NPAS3: variants seen among roughly 807,000 people sequenced by gnomAD.
NPAS3 encodes the protein neuronal PAS domain protein 3, also known as neuronal PAS domain-containing protein 3.
NPAS3 carries 14 observed loss-of-function variants against 73.1 expected under a neutral mutation model. The observed-to-expected ratio is 0.19, with a 90% CI of 0.13 to 0.30. The LOEUF is 0.30. Among genes scored for constraint, NPAS3 ranks in the 10% least tolerant of loss-of-function variants. NPAS3 has a pLI of 1.00. For synonymous variants in NPAS3, 620 were observed against 541.5 expected (o/e 1.14, Z -2.01); for missense variants, 1,096 against 1,250.0 (o/e 0.88, Z 1.86).
rs75435778 is a variant in NPAS3, at chr14:33,171,075, C to T, written c.141-44107C>T. The stretch of plus-strand genomic sequence containing the variant: ...TAGTAAGACTTGAAAGTCAAAATGA[C>T]TCCTTGACCTGCAGAATGGATGCTG... On this transcript the variant is annotated intron_variant, in intron 2 of 11. Transcript: ENST00000356141. 3.0e-3 allele frequency among the ~76,000 whole-genome samples: 454 copies of T among 152,326 alleles called. 2 individuals carry two copies. The highest frequency in any genetic ancestry group is 0.014 in the Middle Eastern group (4 of 294).
At chr14:33,653,036 T>C (rs960172516) in intron 5 of NPAS3, among the ~76,000 whole-genome samples, 1 of 152,258 alleles carries the variant, frequency 6.6e-6, no homozygotes, top group Non-Finnish European at 1.5e-5. Flanking sequence ...GCAACATTTG[T>C]ACCAAATAAT....
intron 6 of NPAS3, among the ~76,000 whole-genome samples, chr14:33,692,279 T>C (rs543596474): frequency 2.8e-4 from 43 of 152,160 alleles, no homozygotes; most frequent in African/African-American, 6.0e-4. Context: ...AATGCCTTTT[T>C]TAAAATCCCC....
At chr14:33,760,512 G>C (rs369944158) in intron 7 of NPAS3, among the ~76,000 whole-genome samples, 1 of 152,100 alleles carries the variant, frequency 6.6e-6, no homozygotes, top group Non-Finnish European at 1.5e-5. Flanking sequence ...TTATTTGACC[G>C]TGTAGAGACC....
At chr14:33,484,490 C>T (rs902894400) in intron 4 of NPAS3, among the ~76,000 whole-genome samples, 3 of 152,180 alleles carry the variant, frequency 2.0e-5, no homozygotes, top group Non-Finnish European at 4.4e-5. Context: ...CGGCCAAATG[C>T]TTGACTCAGA....
At chr14:33,283,730 C>CA (rs1292688383) in intron 3 of NPAS3, among the ~76,000 whole-genome samples, 1 of 152,126 alleles carries the variant, frequency 6.6e-6, no homozygotes, top group African/African-American at 2.4e-5. Flanking sequence ...GGGAATCAGA[C>CA]AAAATAGAAA....
At chr14:33,509,262 C>G (rs1185446421) in intron 4 of NPAS3, among the ~76,000 whole-genome samples, 1 of 151,912 alleles carries the variant, frequency 6.6e-6, no homozygotes, top group Non-Finnish European at 1.5e-5. Context: ...ATATGTGATT[C>G]TGCCATACAG....
chr14:33,287,558 A>C (rs534264373), intron 3 of NPAS3, among the ~76,000 whole-genome samples: 1 of 152,190 alleles, frequency 6.6e-6, no homozygotes, highest in African/African-American at 2.4e-5. Flanking sequence ...ATTTCTTCCA[A>C]GTTAAATTAC....
chr14:33,682,047 T>A (rs926231826), intron 6 of NPAS3, among the ~76,000 whole-genome samples: 1 of 152,230 alleles, frequency 6.6e-6, no homozygotes, highest in Non-Finnish European at 1.5e-5. Flanking sequence ...GCAGTTTGTA[T>A]GCAATGAAAT....
At chr14:33,661,807 A>C (rs1230438825) in intron 5 of NPAS3, among the ~76,000 whole-genome samples, 1 of 152,226 alleles carries the variant, frequency 6.6e-6, no homozygotes, top group Non-Finnish European at 1.5e-5. Context: ...AATTCATTGA[A>C]ATGATAAATT....
chr14:33,298,487 C>T (rs988722090), intron 3 of NPAS3, among the ~76,000 whole-genome samples: 3 of 152,158 alleles, frequency 2.0e-5, no homozygotes, highest in African/African-American at 7.2e-5. Context: ...CCTGTGAAGT[C>T]TGATCATCTT....
chr14:33,373,801 G>T (rs943798197), intron 4 of NPAS3, among the ~76,000 whole-genome samples: 2 of 152,050 alleles, frequency 1.3e-5, no homozygotes, highest in African/African-American at 4.8e-5. Context: ...AAACCTGAAA[G>T]AGAATTCCAT....
intron 5 of NPAS3, among the ~76,000 whole-genome samples, chr14:33,649,860 G>A (rs2058940854): frequency 6.6e-6 from 1 of 152,238 alleles, no homozygotes; most frequent in South Asian, 2.1e-4. Context: ...TGGCTGCAGA[G>A]AGAGAAACCA....
At position 33,534,596 on chromosome 14, in the gene NPAS3, G is replaced by A. The variant is rs539170451; in HGVS notation, c.469-25525G>A. 2.6e-4 allele frequency among the ~76,000 whole-genome samples: 40 copies of A among 152,248 alleles called. 1 individual carries two copies. Among genetic ancestry groups the A allele is most frequent in the African/African-American group, 9.6e-4 (40 of 41,546 alleles). The stretch of plus-strand genomic sequence containing the variant: ...CCACAATAGTATGTAGTGAGAAAGT[G>A]TCTGCTACCTCCTATATATGTATAG... On this transcript the variant is annotated intron_variant, in intron 4 of 11. Transcript: ENST00000356141.
At chr14:33,750,682 A>G (rs945467263) in intron 7 of NPAS3, among the ~76,000 whole-genome samples, 6 of 152,202 alleles carry the variant, frequency 3.9e-5, no homozygotes, top group African/African-American at 1.4e-4. Context: ...GATTTCACTC[A>G]ATCATGTGGT....
intron 3 of NPAS3, among the ~76,000 whole-genome samples, chr14:33,306,770 T>A (rs1167424038): frequency 6.6e-6 from 1 of 152,198 alleles, no homozygotes; most frequent in Non-Finnish European, 1.5e-5. Flanking sequence ...CCTGGCCTAA[T>A]GGAGGTTGTT....
intron 3 of NPAS3, among the ~76,000 whole-genome samples, chr14:33,297,763 A>G (rs568728646): frequency 6.6e-6 from 1 of 152,314 alleles, no homozygotes; most frequent in African/African-American, 2.4e-5. Flanking sequence ...CTCTTGCCAG[A>G]GGACCTTTCT....
At chr14:33,380,901 C>A (rs2140479054) in intron 4 of NPAS3, among the ~76,000 whole-genome samples, 1 of 152,218 alleles carries the variant, frequency 6.6e-6, no homozygotes, top group Non-Finnish European at 1.5e-5. Flanking sequence ...AAGTAATCTA[C>A]TCTTTTACTT....
At chr14:33,687,426 T>C (rs1595441300) in intron 6 of NPAS3, among the ~76,000 whole-genome samples, 1 of 152,104 alleles carries the variant, frequency 6.6e-6, no homozygotes, top group East Asian at 1.9e-4. Flanking sequence ...CCTCTCCAAA[T>C]AAAAACACTA....
intron 4 of NPAS3, among the ~76,000 whole-genome samples, chr14:33,376,720 C>T (rs1216246527): frequency 6.6e-6 from 1 of 152,260 alleles, no homozygotes; most frequent in Middle Eastern, 3.4e-3. Flanking sequence ...GAGTTTATAT[C>T]CCCAGTTGTT....
Sources: allele counts gnomAD v4.1 joint callset (sites outside exome capture counted in the v4.1 genomes callset), GRCh38; gene constraint gnomAD v4.1.1; transcripts MANE v1.5; gene names NCBI Gene and HGNC (gene_info 2026-07-23, HGNC 2026-07-21).